Variants in NCOR2 observed in about 807,000 individuals in gnomAD.
NCOR2 encodes CTG repeat protein 26.
NCOR2 carries 81 observed loss-of-function variants against 262.9 expected under a neutral mutation model. That is an observed-to-expected ratio of 0.31 (90% CI 0.26 to 0.37). NCOR2 has a LOEUF of 0.37. Ranked by LOEUF, NCOR2 falls within the 10% of genes least tolerant of loss-of-function variation. The probability of loss-of-function intolerance (pLI) is 1.00; values close to 1 mark genes in which losing one functional copy is unlikely to be tolerated. For missense variants in NCOR2, 3,385 were observed against 3,621.4 expected (o/e 0.93, Z 1.68); for synonymous variants, 1,659 against 1,559.3 (o/e 1.06, Z -1.51).
At chr12:124,498,984 G>A (rs889633962), upstream of NCOR2, among the ~76,000 whole-genome samples, 1 of 152,266 alleles carries the variant, frequency 6.6e-6, no homozygotes, top group African/African-American at 2.4e-5. Context: ...AGGGCAGGGT[G>A]AGGCAGGAAT....
Position 124,357,875 on chromosome 12 carries a change from C to T in NCOR2, c.3101-1093G>A, listed in dbSNP as rs531534541. On this transcript the variant is annotated intron_variant, in intron 22 of 46. Transcript: ENST00000405201. ...GCATGGATGTGTGTGTGCGCCTGTA[C>T]ACAATGTTGAAGGAGGTAACCTGTG... Among the ~76,000 whole-genome samples the T allele has an allele frequency of 7.5e-5, 11 of 147,414 alleles. No homozygotes were observed. In the East Asian group the frequency reaches 1.9e-3, roughly 25 times the overall value.
At chr12:124,335,363 C>A in intron 39 of NCOR2, 83 bp from the exon 42 acceptor site, 1 of 1,500,090 alleles carries the variant, frequency 6.7e-7, no homozygotes. Flanking sequence ...TGCCTTTGAG[C>A]CTCATGATCC....
intron 15 of NCOR2, among the ~76,000 whole-genome samples, chr12:124,398,689 A>G (rs1250677715): frequency 6.6e-6 from 1 of 152,174 alleles, no homozygotes; most frequent in East Asian, 1.9e-4. Flanking sequence ...ATGCTTAGCA[A>G]CCCTGGACTC....
intron 44 of NCOR2, among the ~76,000 whole-genome samples, chr12:124,329,354 G>A (rs986132640): frequency 6.6e-6 from 1 of 151,850 alleles, no homozygotes; most frequent in Admixed American, 6.6e-5. Flanking sequence ...CCCGCTACTT[G>A]GGAGGCTGAG....
chr12:124,340,570 G>A, intron 35 of NCOR2, 32 bp downstream of exon 37: 1 of 1,513,960 alleles, frequency 6.6e-7, no homozygotes, highest in Non-Finnish European at 8.8e-7. Context: ...TGGATGCCGG[G>A]GTCCCCACCC....
chr12:124,351,635 C>T (rs574145864), intron 27 of NCOR2, among the ~76,000 whole-genome samples: 74 of 152,260 alleles, frequency 4.9e-4, no homozygotes, highest in African/African-American at 1.6e-3. Flanking sequence ...GGGTGACTTT[C>T]AAGAACACAA....
At chr12:124,533,475 C>A (rs913364463) in intron 1 of NCOR2, among the ~76,000 whole-genome samples, 1 of 152,042 alleles carries the variant, frequency 6.6e-6, no homozygotes, top group Non-Finnish European at 1.5e-5. Flanking sequence ...CCCAGCCCAC[C>A]CACAGGCTCC....
intron 12 of NCOR2, 109 bp downstream of exon 14, chr12:124,422,392 C>G: frequency 1.5e-6 from 2 of 1,316,976 alleles, no homozygotes; most frequent in Non-Finnish European, 2.2e-6. Flanking sequence ...GAGCAAGGGG[C>G]CAGGCAGGCC....
exon 22 of NCOR2, chr12:124,362,209 T>C: frequency 1.5e-6 from 2 of 1,310,828 alleles, no homozygotes; most frequent in Admixed American, 2.9e-5. Flanking sequence ...GCTCTCCGGC[T>C]GCAGGTTTTG....
intron 27 of NCOR2, 46 bp downstream of exon 29, chr12:124,354,047 C>A: frequency 1.3e-6 from 2 of 1,545,380 alleles, no homozygotes; most frequent in East Asian, 2.3e-5. Flanking sequence ...GGGCTGGCCC[C>A]GTGCTGGTCC....
chr12:124,505,126 C>A (rs141253551), intron 1 of NCOR2, among the ~76,000 whole-genome samples: 16 of 152,240 alleles, frequency 1.1e-4, no homozygotes, highest in Non-Finnish European at 2.4e-4. Flanking sequence ...CAGATAGGCT[C>A]GGCTTTCCCT....
intron 4 of NCOR2, among the ~76,000 whole-genome samples, chr12:124,469,584 G>A (rs915107186): frequency 3.9e-5 from 6 of 152,210 alleles, no homozygotes; most frequent in Non-Finnish European, 8.8e-5. Context: ...AGGGTGACTA[G>A]CTCTGCTGGG....
intron 13 of NCOR2, among the ~76,000 whole-genome samples, chr12:124,404,459 A>C (rs1283735709): frequency 6.6e-6 from 1 of 152,248 alleles, no homozygotes; most frequent in Non-Finnish European, 1.5e-5. Context: ...CCTCCTTCCC[A>C]GAGCATCTGC....
intron 7 of NCOR2, among the ~76,000 whole-genome samples, chr12:124,446,742 T>C (rs901452234): frequency 6.6e-6 from 1 of 152,216 alleles, no homozygotes; most frequent in Non-Finnish European, 1.5e-5. Flanking sequence ...GATAACCAGA[T>C]TGAAATCTAA....
intron 12 of NCOR2, 117 bp from the exon 15 acceptor site, chr12:124,420,172 C>G (rs2043132052): frequency 2.6e-6 from 2 of 764,460 alleles, no homozygotes; most frequent in Non-Finnish European, 2.2e-6. Context: ...GCTGGGTGAC[C>G]TCGGACAGAT....
At chr12:124,473,221 T>C in intron 3 of NCOR2, 90 bp from the exon 6 acceptor site, 1 of 1,470,512 alleles carries the variant, frequency 6.8e-7, no homozygotes. Flanking sequence ...GTCAACCTGA[T>C]TGGATTGAAG....
At chr12:124,343,299 C>A in intron 32 of NCOR2, 73 bp from the exon 35 acceptor site, 1 of 1,273,066 alleles carries the variant, frequency 7.9e-7, no homozygotes. Flanking sequence ...AGGATAGGGA[C>A]CTCGGGATCC....
intron 20 of NCOR2, among the ~76,000 whole-genome samples, chr12:124,364,981 G>A (rs1593229375): frequency 6.7e-6 from 1 of 149,898 alleles, no homozygotes; most frequent in Non-Finnish European, 1.5e-5. Flanking sequence ...CCCGGCCTGC[G>A]TCTGCGGGTA....
intron 44 of NCOR2, chr12:124,328,521 T>A (rs1233002598): frequency 3.3e-5 from 5 of 152,214 alleles, no homozygotes; most frequent in Non-Finnish European, 7.3e-5. Flanking sequence ...GTTAACCACA[T>A]TTCCTTTCCC....
Sources: gnomAD v4.1 joint callset for allele counts (sites outside exome capture counted in the v4.1 genomes callset) on GRCh38, gnomAD v4.1.1 for gene constraint, MANE v1.5 for transcripts, NCBI Gene and HGNC (gene_info 2026-07-23, HGNC 2026-07-21) for gene names.